The following SLC35D4 variants were observed in gnomAD, a reference collection of about 807,000 sequenced individuals.
SLC35D4 encodes solute carrier family 35 member D4, also known as UDP-N-acetylglucosamine transporter SLC35D4.
the SLC35D4 span, among the ~76,000 whole-genome samples, chr18:23,341,295 A>G: frequency 6.6e-6 from 1 of 152,222 alleles, no homozygotes; most frequent in Non-Finnish European, 1.5e-5. Flanking sequence ...AATGACTTCA[A>G]AGGCACTTTT....
the SLC35D4 span, among the ~76,000 whole-genome samples, chr18:23,385,608 T>C: frequency 1.3e-5 from 2 of 150,608 alleles, no homozygotes; most frequent in African/African-American, 4.9e-5. Flanking sequence ...TGGGAAGAAG[T>C]GGGGCATGGG....
the SLC35D4 span, among the ~76,000 whole-genome samples, chr18:23,318,930 G>A: frequency 6.6e-6 from 1 of 151,830 alleles, no homozygotes; most frequent in South Asian, 2.1e-4. Context: ...TGCAACCTCC[G>A]CCTCCTAGGT....
the SLC35D4 span, among the ~76,000 whole-genome samples, chr18:23,411,839 G>C: frequency 6.6e-6 from 1 of 151,894 alleles, no homozygotes; most frequent in Non-Finnish European, 1.5e-5. Context: ...TGAGATGAAG[G>C]CTAATTAAAT....
At chr18:23,338,385 A>C in the SLC35D4 span, among the ~76,000 whole-genome samples, 1 of 152,200 alleles carries the variant, frequency 6.6e-6, no homozygotes, top group African/African-American at 2.4e-5. Context: ...ATTTCATGAG[A>C]GAATTAAAAC....
chr18:23,283,863 G>A, the SLC35D4 span, among the ~76,000 whole-genome samples: 1 of 152,012 alleles, frequency 6.6e-6, no homozygotes, highest in African/African-American at 2.4e-5. Flanking sequence ...AGACAGAGCA[G>A]TGGTATGGGC....
the SLC35D4 span, among the ~76,000 whole-genome samples, chr18:23,275,706 G>C: frequency 2.0e-3 from 305 of 152,266 alleles, 14 homozygotes; most frequent in South Asian, 0.049. Flanking sequence ...CAAAGCCAAG[G>C]TCATGTAGCC....
At chr18:23,304,414 CATATAATAAAATGTA>C in the SLC35D4 span, among the ~76,000 whole-genome samples, 3 of 144,750 alleles carry the variant, frequency 2.1e-5, no homozygotes, top group East Asian at 3.9e-4. Flanking sequence ...ATATATAATT[CATATAATAAAATGTA>C]ATATAATAAA....
At chr18:23,370,536 G>T in the SLC35D4 span, among the ~76,000 whole-genome samples, 1 of 152,150 alleles carries the variant, frequency 6.6e-6, no homozygotes, top group African/African-American at 2.4e-5. Flanking sequence ...GATTATGAAG[G>T]ACACAATTAA....
At chr18:23,428,682 T>G in the SLC35D4 span, among the ~76,000 whole-genome samples, 1 of 135,618 alleles carries the variant, frequency 7.4e-6, no homozygotes, top group Non-Finnish European at 1.7e-5. Flanking sequence ...CATGCCTAGC[T>G]AATTTTTTTT....
chr18:23,327,543 T>C, the SLC35D4 span, among the ~76,000 whole-genome samples: 1 of 152,262 alleles, frequency 6.6e-6, no homozygotes, highest in East Asian at 1.9e-4. Flanking sequence ...GGCTCTGAAA[T>C]TGAGGCAATA....
the SLC35D4 span, among the ~76,000 whole-genome samples, chr18:23,243,832 A>G: frequency 6.7e-6 from 1 of 149,856 alleles, no homozygotes; most frequent in African/African-American, 2.5e-5. Context: ...AGATCACGCC[A>G]CTGTACCCCG....
chr18:23,281,332 CTTTT>C, the SLC35D4 span, among the ~76,000 whole-genome samples: 1 of 151,698 alleles, frequency 6.6e-6, no homozygotes, highest in Non-Finnish European at 1.5e-5. Flanking sequence ...ATTTATTTTA[CTTTT>C]TTTTGAGACA....
chr18:23,268,159 A>G, the SLC35D4 span, among the ~76,000 whole-genome samples: 140 of 152,338 alleles, frequency 9.2e-4, no homozygotes, highest in African/African-American at 3.2e-3. Flanking sequence ...TCAAAGTATA[A>G]GTCCTGAACT....
the SLC35D4 span, among the ~76,000 whole-genome samples, chr18:23,401,476 A>G: frequency 1.3e-5 from 2 of 152,250 alleles, no homozygotes; most frequent in Non-Finnish European, 1.5e-5. Context: ...GGAAGATCCC[A>G]TCCTCCATTG....
At chr18:23,405,009 A>C in the SLC35D4 span, among the ~76,000 whole-genome samples, 34 of 149,976 alleles carry the variant, frequency 2.3e-4, no homozygotes, top group African/African-American at 6.6e-4. Flanking sequence ...AAAAAAAAAA[A>C]AAAAAAAAAA....
chr18:23,243,016 T>C, the SLC35D4 span, among the ~76,000 whole-genome samples: 4 of 150,734 alleles, frequency 2.7e-5, no homozygotes, highest in African/African-American at 9.7e-5. Context: ...AGTATAAATA[T>C]ATATTTATAA....
the SLC35D4 span, among the ~76,000 whole-genome samples, chr18:23,281,649 C>A: frequency 6.6e-6 from 1 of 152,128 alleles, no homozygotes. Flanking sequence ...TTTTAAAAAT[C>A]TCTGTGTGTC....
the SLC35D4 span, among the ~76,000 whole-genome samples, chr18:23,387,536 C>T: frequency 6.6e-6 from 1 of 152,140 alleles, no homozygotes; most frequent in African/African-American, 2.4e-5. Flanking sequence ...GTAAACTGCT[C>T]CAGTTTAGAG....
chr18:23,283,702 A>AG, the SLC35D4 span, among the ~76,000 whole-genome samples: 1 of 151,590 alleles, frequency 6.6e-6, no homozygotes, highest in East Asian at 1.9e-4. Flanking sequence ...CCAGCTACTC[A>AG]GGAGGCTGAG....
Sources: allele counts gnomAD v4.1 joint callset (sites outside exome capture counted in the v4.1 genomes callset), GRCh38; gene constraint gnomAD v4.1.1; transcripts MANE v1.5; gene names NCBI Gene and HGNC (gene_info 2026-07-23, HGNC 2026-07-21).